Variants in IDO1 observed in about 807,000 individuals in gnomAD.
IDO1 encodes the protein indoleamine 2,3-dioxygenase 1.
In IDO1, 35 loss-of-function variants were observed where a neutral mutation model predicts 38.8. The ratio of observed to expected loss-of-function variants is 0.90; its 90% CI spans 0.69 to 1.20. The LOEUF (loss-of-function observed/expected upper bound fraction) is 1.20, where lower values mean the gene tolerates loss of function less well. Ranked by LOEUF, IDO1 falls within the 50% of genes most tolerant of loss-of-function variation. The pLI, the probability that IDO1 is intolerant of heterozygous loss-of-function variation, is 0.00. For synonymous variants in IDO1, 171 were observed against 170.0 expected, an observed-to-expected ratio of 1.01 and a Z score of -0.05; for missense variants, 509 against 485.1, an observed-to-expected ratio of 1.05 and a Z score of -0.46.
chr8:39,914,248 G>C (rs1807140199), intron 1 of IDO1: 1 of 363,620 alleles, frequency 2.8e-6, no homozygotes, highest in Non-Finnish European at 5.1e-6. Context: ...GGAGAGTGGT[G>C]AGAAAGGAAA....
chr8:39,914,796 C>T (rs186790837), intron 1 of IDO1, among the ~76,000 whole-genome samples: 264 of 152,200 alleles, frequency 1.7e-3, no homozygotes, highest in African/African-American at 5.9e-3. Context: ...GATGGAGTCT[C>T]GCTCTGTCAC....
In IDO1 at chr8:39,918,118, G is replaced by T; in HGVS notation, c.214G>T (p.Asp72Tyr). ...LNMLSIDHLT[D>Y]HKSQRLARLV... ...CATGCTCAGCATTGATCATCTCACAGACCACAAGTCACAGCGCCTTGCACG... is the reference window on the plus strand; with the variant it reads ...CATGCTCAGCATTGATCATCTCACATACCACAAGTCACAGCGCCTTGCACG... Residue 72 changes from aspartate to tyrosine, a missense_variant, in exon 3 of 10, where the codon GAC (aspartate) becomes TAC (tyrosine). By Grantham distance (160) the Asp-to-Tyr change is radical. Transcript: ENST00000518237. 1 of 1,613,880 alleles carries T rather than the reference G, an allele frequency of 6.2e-7. No individual in the cohort carries two copies. Among genetic ancestry groups the T allele is most frequent in the South Asian group, 1.1e-5 (1 of 91,064 alleles).
intron 9 of IDO1, among the ~76,000 whole-genome samples, chr8:39,925,635 G>A (rs968335403): frequency 6.6e-6 from 1 of 152,136 alleles, no homozygotes; most frequent in Non-Finnish European, 1.5e-5. Flanking sequence ...TGTAATCCTA[G>A]CACTTCGGGA....
At chr8:39,927,586 A>G (rs1933483997) in intron 9 of IDO1, among the ~76,000 whole-genome samples, 2 of 151,992 alleles carry the variant, frequency 1.3e-5, no homozygotes, top group African/African-American at 4.8e-5. Context: ...AGCGCAAACA[A>G]AAATACTTAT....
At chr8:39,915,344 G>A (rs924122199) in intron 1 of IDO1, among the ~76,000 whole-genome samples, 1 of 152,148 alleles carries the variant, frequency 6.6e-6, no homozygotes, top group Non-Finnish European at 1.5e-5. Flanking sequence ...TTCTGTAGAC[G>A]AGTGTATTTT....
chr8:39,915,017 T>C (rs1033996522), intron 1 of IDO1, among the ~76,000 whole-genome samples: 2 of 152,204 alleles, frequency 1.3e-5, no homozygotes, highest in African/African-American at 4.8e-5. Context: ...TCCACCGATC[T>C]TGGCCTCCCA....
intron 9 of IDO1, 94 bp downstream of exon 9, chr8:39,925,465 AG>A: frequency 8.3e-7 from 1 of 1,197,902 alleles, no homozygotes; most frequent in Non-Finnish European, 1.1e-6. Flanking sequence ...ATCTTATCTG[AG>A]CTTATCTGAT....
At chr8:39,918,756 AAAAAAAAAAAAAAC>A in intron 3 of IDO1, 45 bp from the exon 4 acceptor site, 4 of 649,752 alleles carry the variant, frequency 6.2e-6, no homozygotes, top group East Asian at 3.2e-5. Context: ...CAAAAAAAAA[AAAAAAAAAAAAAAC>A]AACAACAACA....
At chr8:39,917,797 G>A (rs1334132517) in intron 1 of IDO1, 78 bp from the exon 2 acceptor site, 1 of 889,956 alleles carries the variant, frequency 1.1e-6, no homozygotes, top group East Asian at 2.6e-5. Context: ...TGGATGTGAA[G>A]GCAAGGCATA....
intron 9 of IDO1, among the ~76,000 whole-genome samples, chr8:39,927,295 TCATGCCTGTAATCC>T (rs1327017688): frequency 2.0e-5 from 3 of 152,140 alleles, no homozygotes; most frequent in African/African-American, 4.8e-5. Flanking sequence ...GCGCGGTGGC[TCATGCCTGTAATCC>T]CAGCACTTTG....
chr8:39,923,664 G>T (rs1807314395), intron 7 of IDO1, 78 bp downstream of exon 7: 1 of 772,092 alleles, frequency 1.3e-6, no homozygotes, highest in Admixed American at 2.6e-5. Flanking sequence ...AAAAAGGGAA[G>T]CAAAAAGCAA....
At chr8:39,917,610 G>C (rs1346936436) in intron 1 of IDO1, among the ~76,000 whole-genome samples, 1 of 152,268 alleles carries the variant, frequency 6.6e-6, no homozygotes, top group Admixed American at 6.5e-5. Context: ...AGAGTAGTCA[G>C]GAGGATTTTA....
chr8:39,927,429 G>A (rs1000873500), intron 9 of IDO1, among the ~76,000 whole-genome samples: 7 of 151,666 alleles, frequency 4.6e-5, no homozygotes, highest in African/African-American at 9.7e-5. Flanking sequence ...GCATGGTGGC[G>A]CATGCCTGAA....
rs966695918 is a variant in IDO1 at position 39,913,970 on chromosome 8, T to C, written c.48T>C (p.His16=). 2 of 1,575,534 alleles carry C rather than the reference T, an allele frequency of 1.3e-6. No homozygotes were observed. Among genetic ancestry groups the C allele is most frequent in the Non-Finnish European group, 8.6e-7 (1 of 1,160,326 alleles). ...ENSWTISKEY[H]IDEEVGFALP... ...CCTGGACAATCAGTAAAGAGTACCA[T>C]ATTGATGAAGAAGTGGGCTTTGCTC... Residue 16 remains histidine, a synonymous_variant, in exon 1 of 10, where the codon CAT becomes CAC. Coordinates refer to ENST00000518237, the MANE Select transcript of IDO1 (RefSeq NM_002164.6).
chr8:39,917,453 G>A (rs1018742453), intron 1 of IDO1, among the ~76,000 whole-genome samples: 6 of 152,136 alleles, frequency 3.9e-5, no homozygotes, highest in African/African-American at 7.2e-5. Flanking sequence ...CCAAGATTGC[G>A]CCACTGCACT....
At position 39,917,986 on chromosome 8, in the gene IDO1, T is replaced by C; in HGVS notation, c.183+16T>C. ...AGTTGAGAAGGTTTGACATATGTATTACATTTGTCTTCTTGTATAGCTTCT... is the reference window on the plus strand; with the variant it reads ...AGTTGAGAAGGTTTGACATATGTATCACATTTGTCTTCTTGTATAGCTTCT... On this transcript the variant is annotated intron_variant, in intron 2 of 9. Coordinates refer to ENST00000518237, the MANE Select transcript of IDO1 (RefSeq NM_002164.6). 6.2e-7 allele frequency: 1 copy of C among 1,611,192 alleles called. No individual in the cohort carries two copies. Among genetic ancestry groups the C allele is most frequent in the Non-Finnish European group, 8.5e-7 (1 of 1,177,402 alleles).
chr8:39,923,406 A>T lies in IDO1; in HGVS notation c.538-63A>T, dbSNP rs79284437. 35 of 126,750 alleles carry T rather than the reference A, an allele frequency of 2.8e-4. No homozygotes were observed. The South Asian group carries it at 3.7e-3, about 13-fold the overall frequency. 7.9% of individuals were successfully genotyped at this position (126,750 alleles called of 1,614,324 possible). A position where few individuals can be genotyped will look rare whatever the true frequency, so the allele number is the denominator to read the frequency against. ...ACAACTGAGCGAGACTCCGTCTCAA[A>T]AAAAAAAAAAAAAAAGAAAGAAAGA... On this transcript the variant is annotated intron_variant, in intron 6 of 9. Transcript: ENST00000518237.
chr8:39,915,634 C>G (rs1807163701), intron 1 of IDO1: 1 of 152,020 alleles, frequency 6.6e-6, no homozygotes, highest in Non-Finnish European at 1.5e-5. Context: ...TATTTGCCCG[C>G]AGATCTACAA....
Position 39,920,112 on chromosome 8 carries a change from T to A in IDO1, c.435T>A (p.Tyr145Ter). ...CTGCTTTCATAAGGCCCCTGACTTATGAGTAAGTATCTGATTCTTGTTTGA... is the reference window on the plus strand; with the variant it reads ...CTGCTTTCATAAGGCCCCTGACTTAAGAGTAAGTATCTGATTCTTGTTTGA... ...KKKDPNKPLT[Y>*]ENMDVLFSFR... The change falls in exon 5 of 10, where the codon TAT (tyrosine) becomes TAA (stop). Residue 145 changes from tyrosine to a stop codon, truncating the protein, a stop_gained and splice_region_variant. Coordinates refer to ENST00000518237, the MANE Select transcript of IDO1 (RefSeq NM_002164.6). LOFTEE classifies it high-confidence loss of function. 6.2e-7 allele frequency: 1 copy of A among 1,610,018 alleles called. No homozygotes were observed. The highest frequency in any genetic ancestry group is 1.3e-5 in the African/African-American group (1 of 74,976).
Sources: allele counts gnomAD v4.1 joint callset (sites outside exome capture counted in the v4.1 genomes callset), GRCh38; gene constraint gnomAD v4.1.1; transcripts MANE v1.5; gene names NCBI Gene and HGNC (gene_info 2026-07-23, HGNC 2026-07-21).